The following AGBL4 variants were observed in gnomAD, a reference collection of about 807,000 sequenced individuals.
The protein encoded by AGBL4 is AGBL carboxypeptidase 4.
AGBL4 carries 58 observed loss-of-function variants against 66.4 expected under a neutral mutation model. The observed-to-expected ratio is 0.87, with a 90% CI of 0.71 to 1.09. The LOEUF (loss-of-function observed/expected upper bound fraction) is 1.09. AGBL4 is among the 50% of genes least tolerant of loss of function. The pLI is 0.00. For missense variants in AGBL4, 579 were observed against 631.0 expected (o/e 0.92, Z 0.88); for synonymous variants, 234 against 222.9 (o/e 1.05, Z -0.44).
chr1:49,869,289 T>G (rs898743987), intron 1 of AGBL4, among the ~76,000 whole-genome samples: 1 of 152,074 alleles, frequency 6.6e-6, no homozygotes, highest in Non-Finnish European at 1.5e-5. Flanking sequence ...AAAGATACAC[T>G]CATGTGCATG....
chr1:49,237,020 C>A (rs950758587), intron 4 of AGBL4, among the ~76,000 whole-genome samples: 4 of 151,712 alleles, frequency 2.6e-5, no homozygotes, highest in African/African-American at 9.7e-5. Context: ...CTTTGGGAGG[C>A]CAAGGTGGGC....
intron 3 of AGBL4, among the ~76,000 whole-genome samples, chr1:49,295,693 T>G (rs1175693168): frequency 6.6e-6 from 1 of 152,146 alleles, no homozygotes; most frequent in Non-Finnish European, 1.5e-5. Context: ...TTAGATTACA[T>G]TTAAGGAGCT....
chr1:49,823,423 T>C (rs1419197333), intron 2 of AGBL4, among the ~76,000 whole-genome samples: 5 of 152,134 alleles, frequency 3.3e-5, no homozygotes, highest in South Asian at 2.1e-4. Flanking sequence ...AGTTTAAAAA[T>C]ATATATTAAT....
At chr1:49,566,157 C>A (rs992188082) in intron 3 of AGBL4, among the ~76,000 whole-genome samples, 2 of 152,190 alleles carry the variant, frequency 1.3e-5, no homozygotes, top group African/African-American at 4.8e-5. Flanking sequence ...TCCATCAGGT[C>A]CTTTAAGGAC....
intron 4 of AGBL4, among the ~76,000 whole-genome samples, chr1:49,219,796 G>T (rs1649357231): frequency 6.6e-6 from 1 of 152,106 alleles, no homozygotes; most frequent in African/African-American, 2.4e-5. Flanking sequence ...TTCCAGAAAT[G>T]CTCCTTTGAC....
At chr1:49,685,588 AGC>A (rs1307242201) in intron 3 of AGBL4, among the ~76,000 whole-genome samples, 1 of 152,170 alleles carries the variant, frequency 6.6e-6, no homozygotes, top group Non-Finnish European at 1.5e-5. Flanking sequence ...TTTTAATAGT[AGC>A]CATTCTGACT....
At chr1:49,894,229 TA>T (rs2148174155) in intron 1 of AGBL4, among the ~76,000 whole-genome samples, 1 of 152,070 alleles carries the variant, frequency 6.6e-6, no homozygotes, top group African/African-American at 2.4e-5. Flanking sequence ...TACAAATACC[TA>T]AAAAGCCTTC....
At chr1:48,950,570 T>C (rs985931511) in intron 5 of AGBL4, among the ~76,000 whole-genome samples, 3 of 152,170 alleles carry the variant, frequency 2.0e-5, no homozygotes, top group African/African-American at 7.2e-5. Flanking sequence ...AATGGCTCAG[T>C]AGGTATGACA....
At chr1:49,423,272 G>C (rs891034352) in intron 3 of AGBL4, 2 of 152,086 alleles carry the variant, frequency 1.3e-5, no homozygotes, top group Admixed American at 6.6e-5. Context: ...TTCAAGACAG[G>C]GTTTGTCTTT....
chr1:49,052,776 T>C (rs1227261110), intron 4 of AGBL4, among the ~76,000 whole-genome samples: 5 of 152,152 alleles, frequency 3.3e-5, no homozygotes, highest in African/African-American at 1.2e-4. Flanking sequence ...AAACCTAGCA[T>C]ATAGAGGCAA....
At chr1:49,562,138 G>A (rs879277193) in intron 3 of AGBL4, among the ~76,000 whole-genome samples, 2 of 151,994 alleles carry the variant, frequency 1.3e-5, no homozygotes, top group African/African-American at 4.8e-5. Context: ...ATCCTTCGCC[G>A]ACTTTTTAAT....
At chr1:49,399,957 G>A (rs1645049592) in intron 3 of AGBL4, among the ~76,000 whole-genome samples, 1 of 151,938 alleles carries the variant, frequency 6.6e-6, no homozygotes, top group Admixed American at 6.6e-5. Flanking sequence ...ATTTTTTCTT[G>A]TAGTAGTTTC....
intron 3 of AGBL4, among the ~76,000 whole-genome samples, chr1:49,539,044 AC>A (rs1200199250): frequency 6.6e-6 from 1 of 152,104 alleles, no homozygotes; most frequent in Non-Finnish European, 1.5e-5. Context: ...AAATAACCTA[AC>A]CTAAATTTCA....
rs1370094166 is a variant in AGBL4, at chr1:49,657,562, C to A, written c.282+39751G>T. Among the ~76,000 whole-genome samples the A allele has an allele frequency of 2.6e-5, 4 of 152,140 alleles. No individual in the cohort carries two copies. The East Asian group carries it at 7.7e-4, about 29-fold the overall frequency. On this transcript the variant is annotated intron_variant, in intron 3 of 13. Coordinates refer to ENST00000371839, the MANE Select transcript of AGBL4 (RefSeq NM_032785.4). ...CCCACATTGCCAAGACAATCCTAAA[C>A]CAAAAGAACAAAGCTGGAAGCATCA...
chr1:48,619,345 T>A (rs187465951), intron 9 of AGBL4, among the ~76,000 whole-genome samples: 26 of 152,220 alleles, frequency 1.7e-4, no homozygotes, highest in Admixed American at 7.2e-4. Context: ...TGTGGAGTCA[T>A]AAATGTGTGC....
At chr1:48,568,270 C>T (rs1049309313) in intron 11 of AGBL4, among the ~76,000 whole-genome samples, 3 of 152,106 alleles carry the variant, frequency 2.0e-5, no homozygotes, top group African/African-American at 4.8e-5. Flanking sequence ...ATGATTTCAT[C>T]TATTTTTTTA....
At chr1:49,874,842 T>A (rs1646938032) in intron 1 of AGBL4, among the ~76,000 whole-genome samples, 1 of 152,142 alleles carries the variant, frequency 6.6e-6, no homozygotes. Flanking sequence ...ACTATTATTA[T>A]ACTTTAAGTT....
Position 49,489,525 on chromosome 1 carries a change from GC to G in AGBL4, c.282+207787del, listed in dbSNP as rs919626169. Among the ~76,000 whole-genome samples, 12 of 151,808 alleles carry G rather than the reference GC, an allele frequency of 7.9e-5. No individual in the cohort carries two copies. The South Asian group carries it at 1.5e-3, about 18-fold the overall frequency. ...TGATTGTTTCTTTTGCTGTGCAGAA[GC>G]TTTTTACATTGATGTGATCCAATTT... On this transcript the variant is annotated intron_variant, in intron 3 of 13. Coordinates refer to ENST00000371839, the MANE Select transcript of AGBL4 (RefSeq NM_032785.4).
At chr1:49,086,592 C>A (rs1300135891) in intron 4 of AGBL4, among the ~76,000 whole-genome samples, 1 of 152,080 alleles carries the variant, frequency 6.6e-6, no homozygotes, top group Non-Finnish European at 1.5e-5. Flanking sequence ...AGCTTCCACC[C>A]AAGCAGTCCT....
Sources: gnomAD v4.1 joint callset for allele counts (sites outside exome capture counted in the v4.1 genomes callset) on GRCh38, gnomAD v4.1.1 for gene constraint, MANE v1.5 for transcripts, NCBI Gene and HGNC (gene_info 2026-07-23, HGNC 2026-07-21) for gene names.